IL17F: variants seen among roughly 807,000 people sequenced by gnomAD.
IL17F encodes the protein interleukin-17F.
In IL17F, 6 loss-of-function variants were observed where a neutral mutation model predicts 8.3. The observed-to-expected ratio is 0.73, with a 90% CI of 0.40 to 1.43. The LOEUF is 1.43. IL17F is among the 40% of genes most tolerant of loss of function. The probability of loss-of-function intolerance (pLI) is 0.02; values close to 1 mark genes in which losing one functional copy is unlikely to be tolerated. For missense variants in IL17F, 204 were observed against 209.6 expected (o/e 0.97, Z 0.17); for synonymous variants, 98 against 81.6 (o/e 1.20, Z -1.08).
chr6:52,240,461 G>T (rs1764054696), intron 1 of IL17F, among the ~76,000 whole-genome samples: 1 of 143,562 alleles, frequency 7.0e-6, no homozygotes, highest in Non-Finnish European at 1.5e-5. Context: ...AAAAAAAAGA[G>T]CTGAAAATAA....
At chr6:52,241,760 G>A (rs1015740330) in intron 1 of IL17F, among the ~76,000 whole-genome samples, 1 of 152,174 alleles carries the variant, frequency 6.6e-6, no homozygotes, top group South Asian at 2.1e-4. Context: ...GTCCCAGAGG[G>A]AATAAATAAC....
Position 52,238,886 on chromosome 6 carries a change from A to AT in IL17F, c.97dup (p.Ile33AsnfsTer13), listed in dbSNP as rs746592495. 2 of 1,613,908 alleles carry AT rather than the reference A, an allele frequency of 1.2e-6. No homozygotes were observed. The highest frequency in any genetic ancestry group is 4.5e-5 in the East Asian group (2 of 44,874). ...GAAAAAAGTATGTCCTACTTTGGGGATTTTCCGAGCTGCCGCCTCACTCAG... is the reference window on the plus strand; with the variant it reads ...GAAAAAAGTATGTCCTACTTTGGGGATTTTTCCGAGCTGCCGCCTCACTCAG... On this transcript the variant is annotated frameshift_variant, in exon 2 of 3. Coordinates refer to ENST00000336123, the MANE Select transcript of IL17F (RefSeq NM_052872.4). LOFTEE classifies it high-confidence loss of function.
In IL17F at chr6:52,238,825, A is replaced by G. The variant is rs748990409; in HGVS notation, c.159T>C (p.Gly53=). The G allele has an allele frequency of 1.3e-5, 21 of 1,613,838 alleles. No homozygotes were observed. Among genetic ancestry groups the G allele is most frequent in the East Asian group, 2.2e-5 (1 of 44,882 alleles). ...TGATGCCAATGTCAAGCTTCATACT[A>G]CCTCCTGGCACAGGCGGGCAACTCT... ...KPESCPPVPG[G]SMKLDIGIIN... The change falls in exon 2 of 3, where the codon GGT becomes GGC. Residue 53 remains glycine (G), a synonymous_variant. Transcript: ENST00000336123.
At position 52,238,780 on chromosome 6, in the gene IL17F, A is replaced by G. The variant is rs1428805376; in HGVS notation, c.204T>C (p.Val68=). 1 of 1,614,080 alleles carries G rather than the reference A, an allele frequency of 6.2e-7. No homozygotes were observed. The highest frequency in any genetic ancestry group is 8.5e-7 in the Non-Finnish European group (1 of 1,180,040). The part of the protein sequence containing the change: ...DIGIINENQR[V]SMSRNIESRS... ...GGCTCTCGATGTTACGTGACATGGA[A>G]ACGCGCTGGTTTTCATTGATGATGC... The change falls in exon 2 of 3, where the codon GTT becomes GTC. Residue 68 remains valine, a synonymous_variant. Coordinates refer to ENST00000336123, the MANE Select transcript of IL17F (RefSeq NM_052872.4).
upstream of IL17F, among the ~76,000 whole-genome samples, chr6:52,245,606 G>A (rs1295591464): frequency 6.6e-6 from 1 of 152,230 alleles, no homozygotes; most frequent in East Asian, 1.9e-4. Flanking sequence ...CCAGCACAGG[G>A]ATGAGTTACT....
intron 1 of IL17F, among the ~76,000 whole-genome samples, chr6:52,239,742 A>G (rs939267940): frequency 1.3e-5 from 2 of 152,362 alleles, no homozygotes; most frequent in African/African-American, 4.8e-5. Flanking sequence ...TGAATGAGTG[A>G]ATGAGTGAAT....
chr6:52,243,107 G>A (rs11465545), intron 1 of IL17F, among the ~76,000 whole-genome samples: 1 of 152,138 alleles, frequency 6.6e-6, no homozygotes, highest in Non-Finnish European at 1.5e-5. Context: ...ATGGCACTTT[G>A]CTGAGCTACA....
At chr6:52,241,065 C>CGTTTGTTTGTTTGTTTGTTT (rs58639265) in intron 1 of IL17F, among the ~76,000 whole-genome samples, 3 of 150,006 alleles carry the variant, frequency 2.0e-5, no homozygotes, top group Admixed American at 6.6e-5. Flanking sequence ...ACTGCTATGG[C>CGTTTGTTTGTTTGTTTGTTT]GTTTGTTTGT....
intron 1 of IL17F, chr6:52,239,222 AT>A (rs1388607340): frequency 4.4e-6 from 2 of 452,448 alleles, no homozygotes; most frequent in Non-Finnish European, 8.1e-6. Context: ...AGGGTCTGAG[AT>A]TGAGTTAAAA....
At position 52,238,511 on chromosome 6, in the gene IL17F, C is replaced by A. The variant is rs528471546; in HGVS notation, c.254+219G>T. Among the ~76,000 whole-genome samples, 7 of 152,332 alleles carry A rather than the reference C, an allele frequency of 4.6e-5. No individual in the cohort carries two copies. In the South Asian group the frequency reaches 1.4e-3, roughly 32 times the overall value. ...CATGAAGCAGAAAAAGGCACAAAGT[C>A]TATGAGAACGTGGAAGCAAAATATT... On this transcript the variant is annotated intron_variant, in intron 2 of 2. Transcript: ENST00000336123.
Position 52,238,953 on chromosome 6 carries a change from G to A in IL17F, c.34-3C>T. Reference sequence around the variant, plus strand: ...ATCGACAGCAGCAAGTACTTGACCTGGAAAATAGAAGACGCTGCAATCAGT... The same window carrying A: ...ATCGACAGCAGCAAGTACTTGACCTAGAAAATAGAAGACGCTGCAATCAGT... On this transcript the variant is annotated splice_polypyrimidine_tract_variant and splice_region_variant and intron_variant, in intron 1 of 2. Coordinates refer to ENST00000336123, the MANE Select transcript of IL17F (RefSeq NM_052872.4). 6.2e-7 allele frequency: 1 copy of A among 1,612,430 alleles called. No individual in the cohort carries two copies. Among genetic ancestry groups the A allele is most frequent in the Non-Finnish European group, 8.5e-7 (1 of 1,179,532 alleles).
At chr6:52,238,595 G>A (rs1433101731) in intron 2 of IL17F, 135 bp downstream of exon 2, 2 of 826,304 alleles carry the variant, frequency 2.4e-6, no homozygotes, top group Non-Finnish European at 3.9e-6. Context: ...GAGCTCCCAG[G>A]TAAAGTGAAA....
chr6:52,239,296 C>A (rs1245913353), intron 1 of IL17F: 3 of 311,382 alleles, frequency 9.6e-6, no homozygotes, highest in Admixed American at 4.5e-5. Flanking sequence ...TAATAATGCT[C>A]ACTTTATGAG....
chr6:52,239,261 C>G, intron 1 of IL17F: 1 of 367,764 alleles, frequency 2.7e-6, no homozygotes, highest in South Asian at 3.1e-5. Context: ...TGCTGAGCCT[C>G]TAGTTTCTCT....
intron 1 of IL17F, among the ~76,000 whole-genome samples, chr6:52,244,038 C>T (rs1281950823): frequency 2.6e-5 from 4 of 152,086 alleles, no homozygotes; most frequent in Admixed American, 6.5e-5. Flanking sequence ...GGATTACAGG[C>T]GTGAGCCACC....
intron 1 of IL17F, among the ~76,000 whole-genome samples, chr6:52,239,980 G>C (rs1301921950): frequency 6.6e-6 from 1 of 152,104 alleles, no homozygotes; most frequent in African/African-American, 2.4e-5. Flanking sequence ...TGGTGTTATA[G>C]GAATGCGCAA....
intron 1 of IL17F, among the ~76,000 whole-genome samples, chr6:52,240,179 G>A (rs996245618): frequency 3.3e-5 from 5 of 152,170 alleles, no homozygotes; most frequent in Non-Finnish European, 5.9e-5. Context: ...GCTCACGCCT[G>A]TAATCCCAGC....
chr6:52,239,227 G>A, intron 1 of IL17F: 1 of 437,736 alleles, frequency 2.3e-6, no homozygotes, highest in Admixed American at 3.6e-5. Context: ...CTGAGATTGA[G>A]TTAAAATCCT....
upstream of IL17F, chr6:52,244,610 G>GA: frequency 3.8e-6 from 2 of 519,762 alleles, no homozygotes; most frequent in Non-Finnish European, 6.8e-6. Context: ...GAATGCAGGG[G>GA]TTTTTTTTTT....
Sources: allele counts gnomAD v4.1 joint callset (sites outside exome capture counted in the v4.1 genomes callset), GRCh38; gene constraint gnomAD v4.1.1; transcripts MANE v1.5; gene names NCBI Gene and HGNC (gene_info 2026-07-23, HGNC 2026-07-21).